SNAP91: variants seen among roughly 807,000 people sequenced by gnomAD.
SNAP91 encodes synaptosome associated protein 91, also known as clathrin coat assembly protein AP180.
Under a neutral mutation model 100.3 loss-of-function variants are expected in SNAP91, and 27 were observed. That is an observed-to-expected ratio of 0.27 (90% confidence interval 0.20 to 0.37). The LOEUF is 0.37. SNAP91 is among the 10% of genes least tolerant of loss of function. SNAP91 has a pLI of 1.00. For missense variants in SNAP91, 986 were observed against 1,123.7 expected, an observed-to-expected ratio of 0.88 and a Z score of 1.75; for synonymous variants, 404 against 398.6, an observed-to-expected ratio of 1.01 and a Z score of -0.16.
At chr6:83,651,149 CTT>C (rs1480623543) in intron 7 of SNAP91, among the ~76,000 whole-genome samples, 1 of 151,486 alleles carries the variant, frequency 6.6e-6, no homozygotes, top group Non-Finnish European at 1.5e-5. Flanking sequence ...TCTTTTTTTT[CTT>C]TGTCTGGCTA....
At chr6:83,571,354 C>T (rs1268163041) in intron 26 of SNAP91, among the ~76,000 whole-genome samples, 3 of 152,132 alleles carry the variant, frequency 2.0e-5, no homozygotes, top group Non-Finnish European at 4.4e-5. Context: ...CTGCCTGCCT[C>T]GGCCTCCCAA....
chr6:83,702,681 A>G (rs2129055225), intron 2 of SNAP91, among the ~76,000 whole-genome samples: 1 of 152,210 alleles, frequency 6.6e-6, no homozygotes, highest in Non-Finnish European at 1.5e-5. Context: ...CTAAGAAAGT[A>G]TCTGCTAACC....
intron 7 of SNAP91, among the ~76,000 whole-genome samples, chr6:83,650,627 AG>A (rs1479641133): frequency 6.6e-6 from 1 of 152,184 alleles, no homozygotes; most frequent in Non-Finnish European, 1.5e-5. Flanking sequence ...CATCTTGGCC[AG>A]GCTGGTCTCG....
chr6:83,603,482 A>G (rs1378005190), intron 14 of SNAP91, among the ~76,000 whole-genome samples: 1 of 152,054 alleles, frequency 6.6e-6, no homozygotes, highest in African/African-American at 2.4e-5. Flanking sequence ...TTCTCATCTC[A>G]GCCTCCTCAG....
rs2093903341 is a variant in SNAP91, at chr6:83,592,473, C to T, written c.1912G>A (p.Val638Ile). 6.2e-7 allele frequency: 1 copy of T among 1,612,220 alleles called. No individual in the cohort carries two copies. Among genetic ancestry groups the T allele is most frequent in the Non-Finnish European group, 8.5e-7 (1 of 1,179,112 alleles). The change falls in exon 21 of 30, where the codon GTC (valine) becomes ATC (isoleucine). Residue 638 changes from valine (V) to isoleucine (I), a missense_variant. Around this residue, in one of 4 missense-constraint regions of SNAP91, gnomAD observed 575 missense variants for 579.9 expected, o/e 0.99. Coordinates refer to ENST00000369694, the MANE Select transcript of SNAP91 (RefSeq NM_001242792.2). ...TACGCACCCCCAAAAAGGTCTATGACACCTGAAGAATCCACCTTTGCTGGC... is the reference window on the plus strand; with the variant it reads ...TACGCACCCCCAAAAAGGTCTATGATACCTGAAGAATCCACCTTTGCTGGC... Reference protein sequence around the residue: ...ASPAKVDSSGVIDLFGDAFGS... With the variant: ...ASPAKVDSSGIIDLFGDAFGS...
Position 83,593,729 on chromosome 6 carries a change from G to C in SNAP91, c.1445C>G (p.Pro482Arg), listed in dbSNP as rs375376910. ...TGCAGCCTCTGCACTACCTTCAGAC[G>C]GGGCAAAGGGGTCTTTTGGAAAGGA... ...DACSGNDPFA[P>R]SEGSAEAAPE... The change falls in exon 18 of 30, where the codon CCG (proline) becomes CGG (arginine). Residue 482 changes from proline (P) to arginine (R), a missense_variant. Pro to Arg is a moderately radical substitution (Grantham distance 103, BLOSUM62 -2). Coordinates refer to ENST00000369694, the MANE Select transcript of SNAP91 (RefSeq NM_001242792.2). The C allele has an allele frequency of 4.5e-6, 7 of 1,565,320 alleles. No homozygotes were observed. Among genetic ancestry groups the C allele is most frequent in the Non-Finnish European group, 6.1e-6 (7 of 1,153,388 alleles).
At chr6:83,703,464 C>T (rs1288237370) in intron 2 of SNAP91, among the ~76,000 whole-genome samples, 4 of 152,040 alleles carry the variant, frequency 2.6e-5, no homozygotes, top group Admixed American at 1.3e-4. Flanking sequence ...GCAAAGAAAA[C>T]TCACTTTTAG....
chr6:83,685,700 C>T (rs572286512), intron 2 of SNAP91, among the ~76,000 whole-genome samples: 1 of 152,232 alleles, frequency 6.6e-6, no homozygotes, highest in African/African-American at 2.4e-5. Flanking sequence ...ACTTCTAAGA[C>T]AGTCTATCAA....
At chr6:83,561,049 T>G in intron 26 of SNAP91, 102 bp from the exon 27 acceptor site, 1 of 806,346 alleles carries the variant, frequency 1.2e-6, no homozygotes, top group Middle Eastern at 2.4e-4. Flanking sequence ...TGGTATTTAT[T>G]TATTTATTTT....
intron 8 of SNAP91, among the ~76,000 whole-genome samples, chr6:83,635,543 CT>C (rs1313099804): frequency 6.6e-6 from 1 of 151,920 alleles, no homozygotes; most frequent in Non-Finnish European, 1.5e-5. Context: ...GATGGTGGAT[CT>C]TTTTTCATCC....
At chr6:83,595,325 C>A (rs573279171) in intron 16 of SNAP91, among the ~76,000 whole-genome samples, 30 of 152,180 alleles carry the variant, frequency 2.0e-4, no homozygotes, top group Non-Finnish European at 3.5e-4. Flanking sequence ...GGAAAATAAT[C>A]TATTTTCAAC....
At position 83,593,036 on chromosome 6, in the gene SNAP91, A is replaced by C; in HGVS notation, c.1775-19T>G. 6.4e-7 allele frequency: 1 copy of C among 1,566,770 alleles called. No individual in the cohort carries two copies. The highest frequency in any genetic ancestry group is 8.7e-7 in the Non-Finnish European group (1 of 1,154,904). On this transcript the variant is annotated intron_variant, in intron 19 of 29. Coordinates refer to ENST00000369694, the MANE Select transcript of SNAP91 (RefSeq NM_001242792.2). Reference sequence around the variant, plus strand: ...AAAGCATCTTCCAAAAGTGAAACAAACCAAAACCAAGCAGAGGTAAGTAGT... The same window carrying C: ...AAAGCATCTTCCAAAAGTGAAACAACCCAAAACCAAGCAGAGGTAAGTAGT...
chr6:83,628,243 A>ATATATATATATATATATATATC (rs1312058840), intron 8 of SNAP91, among the ~76,000 whole-genome samples: 3 of 144,968 alleles, frequency 2.1e-5, no homozygotes, highest in African/African-American at 7.6e-5. Flanking sequence ...ATATATATAT[A>ATATATATATATATATATATATC]TATCACAGTT....
At chr6:83,650,266 A>G (rs2098138996) in intron 7 of SNAP91, among the ~76,000 whole-genome samples, 1 of 152,216 alleles carries the variant, frequency 6.6e-6, no homozygotes, top group Admixed American at 6.5e-5. Flanking sequence ...TAATGTTGGA[A>G]GACATCTAAG....
intron 24 of SNAP91, 74 bp downstream of exon 24, chr6:83,580,368 TGAGAGAGA>T: frequency 2.4e-6 from 3 of 1,252,616 alleles, no homozygotes; most frequent in Non-Finnish European, 3.3e-6. Context: ...ACATATGAGA[TGAGAGAGA>T]GAGAGAGAGA....
chr6:83,665,808 A>G (rs1379208969), intron 2 of SNAP91, among the ~76,000 whole-genome samples: 1 of 151,896 alleles, frequency 6.6e-6, no homozygotes, highest in Non-Finnish European at 1.5e-5. Flanking sequence ...TTGCTACTTA[A>G]TTTTCTTCTG....
chr6:83,613,670 T>G (rs2128329653), intron 11 of SNAP91, among the ~76,000 whole-genome samples: 1 of 152,348 alleles, frequency 6.6e-6, no homozygotes, highest in South Asian at 2.1e-4. Context: ...GAGCCTATGC[T>G]CAGTCCACAT....
intron 2 of SNAP91, among the ~76,000 whole-genome samples, chr6:83,699,636 G>C (rs192622483): frequency 8.5e-4 from 129 of 152,292 alleles, no homozygotes; most frequent in African/African-American, 2.9e-3. Context: ...CTGAAAAGCT[G>C]AGAATTTTCC....
At chr6:83,576,369 T>C (rs1253189359) in intron 24 of SNAP91, among the ~76,000 whole-genome samples, 1 of 152,196 alleles carries the variant, frequency 6.6e-6, no homozygotes, top group Admixed American at 6.5e-5. Context: ...TTGTTCTCTA[T>C]ACTAGGATAA....
Sources: gnomAD v4.1 joint callset for allele counts (sites outside exome capture counted in the v4.1 genomes callset) on GRCh38, gnomAD v4.1.1 for gene constraint, gnomAD v4.1.1 regional missense constraint, MANE v1.5 for transcripts, NCBI Gene and HGNC (gene_info 2026-07-23, HGNC 2026-07-21) for gene names.